The following TCF7L1 variants were observed in gnomAD, a reference collection of about 807,000 sequenced individuals.
TCF7L1 encodes transcription factor 7-like 1.
Under a neutral mutation model 63.7 loss-of-function variants are expected in TCF7L1, and 18 were observed. The ratio of observed to expected loss-of-function variants is 0.28; its 90% confidence interval spans 0.20 to 0.42. The LOEUF (loss-of-function observed/expected upper bound fraction) is 0.42, where lower values mean the gene tolerates loss of function less well. TCF7L1 is among the 10% of genes least tolerant of loss of function. The pLI is 1.00. For missense variants in TCF7L1, 654 were observed against 779.3 expected, an observed-to-expected ratio of 0.84 and a Z score of 1.91; for synonymous variants, 355 against 340.9, an observed-to-expected ratio of 1.04 and a Z score of -0.46.
At chr2:85,201,079 G>A (rs1425635174) in intron 3 of TCF7L1, among the ~76,000 whole-genome samples, 2 of 152,162 alleles carry the variant, frequency 1.3e-5, no homozygotes, top group East Asian at 1.9e-4. Context: ...GTGTGCGCCT[G>A]TAATTCCAGC....
intron 3 of TCF7L1, among the ~76,000 whole-genome samples, chr2:85,281,553 G>A (rs1246867297): frequency 2.6e-5 from 4 of 152,190 alleles, no homozygotes; most frequent in Non-Finnish European, 5.9e-5. Context: ...GTGGGCTCTG[G>A]GTAGGGCAAG....
intron 3 of TCF7L1, among the ~76,000 whole-genome samples, chr2:85,194,254 G>C (rs1199692045): frequency 3.3e-5 from 5 of 152,164 alleles, no homozygotes; most frequent in Admixed American, 6.5e-5. Flanking sequence ...GAATTCAGGA[G>C]TGGTGGCTCA....
chr2:85,146,519 G>A (rs1257588244), intron 3 of TCF7L1, among the ~76,000 whole-genome samples: 5 of 41,414 alleles, frequency 1.2e-4, no homozygotes, highest in African/African-American at 4.6e-4. Context: ...TTTTTTTTTT[G>A]AGATGGAGTT....
At chr2:85,303,688 G>A in intron 5 of TCF7L1, 1 of 448,902 alleles carries the variant, frequency 2.2e-6, no homozygotes, top group Admixed American at 3.9e-5. Flanking sequence ...GCTAGAGAGG[G>A]GGTGCATTAG....
chr2:85,224,906 G>T (rs1019008419), intron 3 of TCF7L1, among the ~76,000 whole-genome samples: 4 of 152,236 alleles, frequency 2.6e-5, no homozygotes, highest in African/African-American at 9.6e-5. Context: ...GGTTTTTATG[G>T]TTTTAGGGCT....
intron 3 of TCF7L1, among the ~76,000 whole-genome samples, chr2:85,157,343 T>A (rs1445907390): frequency 6.6e-6 from 1 of 152,218 alleles, no homozygotes; most frequent in Non-Finnish European, 1.5e-5. Context: ...GTTCTCTGTG[T>A]CCCAGAGGAA....
chr2:85,252,419 A>G (rs1334479505), intron 3 of TCF7L1, among the ~76,000 whole-genome samples: 1 of 152,132 alleles, frequency 6.6e-6, no homozygotes, highest in Admixed American at 6.5e-5. Flanking sequence ...CAGGCAGACA[A>G]TTCCACATGA....
At position 85,133,848 on chromosome 2, in the gene TCF7L1, G is replaced by A. The variant is rs1677519456; in HGVS notation, c.164G>A (p.Ser55Asn). The change falls in exon 1 of 12, where the codon AGC (serine) becomes AAC (asparagine). Residue 55 changes from serine (S) to asparagine (N), a missense_variant. Ser to Asn is a conservative substitution (Grantham distance 46). Around this residue, in one of 3 missense-constraint regions of TCF7L1, gnomAD observed 404 missense variants for 454.8 expected, o/e 0.89. Transcript: ENST00000282111. The surrounding 1 kb of genome is among the most constrained non-coding windows in gnomAD (Gnocchi z 4.4). ...GAGGAGCAGGAGCCGAGCAGCGATA[G>A]CGCCTCGGCGCAGCGGGACCTAGAC... ...GGEEQEPSSDSASAQRDLDEV... is the reference protein window; with the variant it reads ...GGEEQEPSSDNASAQRDLDEV... 5.3e-6 allele frequency: 8 copies of A among 1,508,980 alleles called. No individual in the cohort carries two copies. Among genetic ancestry groups the A allele is most frequent in the African/African-American group, 1.4e-5 (1 of 69,784 alleles). The allele number at this position is 1,508,980 out of a possible 1,614,324, so 93.5% of individuals were successfully genotyped here. A position where few individuals can be genotyped will look rare whatever the true frequency, so the allele number is the denominator to read the frequency against.
chr2:85,138,869 A>T (rs1677656056), intron 3 of TCF7L1, among the ~76,000 whole-genome samples: 1 of 152,226 alleles, frequency 6.6e-6, no homozygotes, highest in Non-Finnish European at 1.5e-5. Flanking sequence ...ATTGGGAAAT[A>T]AAAAAGAGTA....
At chr2:85,250,760 T>G (rs1007017494) in intron 3 of TCF7L1, among the ~76,000 whole-genome samples, 4 of 152,186 alleles carry the variant, frequency 2.6e-5, no homozygotes, top group Non-Finnish European at 4.4e-5. Flanking sequence ...TTAATAAGCC[T>G]GGCTAGCTTT....
At chr2:85,295,582 A>G (rs1426748518) in intron 4 of TCF7L1, among the ~76,000 whole-genome samples, 2 of 152,028 alleles carry the variant, frequency 1.3e-5, no homozygotes, top group Non-Finnish European at 2.9e-5. Context: ...CCAGATTCAC[A>G]CATTTTTCCC....
At chr2:85,192,449 G>A (rs746968186) in intron 3 of TCF7L1, among the ~76,000 whole-genome samples, 3 of 152,036 alleles carry the variant, frequency 2.0e-5, no homozygotes, top group East Asian at 1.9e-4. Flanking sequence ...AGGCAGTGGT[G>A]TGATGTTGGC....
At position 85,134,955 on chromosome 2, in the gene TCF7L1, C is replaced by T. The variant is rs1677557230; in HGVS notation, c.441+505C>T. ...CCACCCCCAGCCCTCGCACCGGGGCCTCAGCTTTTCTGCGGAGCTAGCTCC... is the reference window on the plus strand; with the variant it reads ...CCACCCCCAGCCCTCGCACCGGGGCTTCAGCTTTTCTGCGGAGCTAGCTCC... On this transcript the variant is annotated intron_variant, in intron 3 of 11. Transcript: ENST00000282111. This position sits in a 1 kb window ranked among gnomAD's most constrained non-coding sequence, Gnocchi z 5.0. 6.6e-6 allele frequency among the ~76,000 whole-genome samples: 1 copy of T among 152,302 alleles called. No individual in the cohort carries two copies. The highest frequency in any genetic ancestry group is 1.5e-5 in the Non-Finnish European group (1 of 68,028).
intron 3 of TCF7L1, among the ~76,000 whole-genome samples, chr2:85,253,764 C>T (rs1426211048): frequency 6.6e-6 from 1 of 152,216 alleles, no homozygotes; most frequent in Non-Finnish European, 1.5e-5. Context: ...GCATGCTAAG[C>T]GTTCACTCAG....
At chr2:85,239,646 T>G (rs926658111) in intron 3 of TCF7L1, among the ~76,000 whole-genome samples, 1 of 152,006 alleles carries the variant, frequency 6.6e-6, no homozygotes, top group Non-Finnish European at 1.5e-5. Flanking sequence ...TGTAGCCACA[T>G]TAAAAGAGAA....
intron 3 of TCF7L1, among the ~76,000 whole-genome samples, chr2:85,160,134 T>C (rs1405472440): frequency 1.3e-5 from 2 of 152,204 alleles, no homozygotes; most frequent in African/African-American, 4.8e-5. Flanking sequence ...ATGTACAGAT[T>C]CATGTAACCA....
At position 85,298,919 on chromosome 2, in the gene TCF7L1, C is replaced by T. The variant is rs539162760; in HGVS notation, c.526-3565C>T. ...TTCTAGGAGGCCACTATCTACTTACCGCCTTCCCTCCCGGTTCATTTTCTG... is the reference window on the plus strand; with the variant it reads ...TTCTAGGAGGCCACTATCTACTTACTGCCTTCCCTCCCGGTTCATTTTCTG... On this transcript the variant is annotated intron_variant, in intron 4 of 11. Coordinates refer to ENST00000282111, the MANE Select transcript of TCF7L1 (RefSeq NM_031283.3). 4.6e-5 allele frequency among the ~76,000 whole-genome samples: 7 copies of T among 152,114 alleles called. No homozygotes were observed. In the South Asian group the frequency reaches 8.3e-4, roughly 18 times the overall value.
At chr2:85,212,430 T>C (rs2043228) in intron 3 of TCF7L1, among the ~76,000 whole-genome samples, 80,963 of 152,074 alleles carry the variant, frequency 0.53, 22,189 homozygotes, top group African/African-American at 0.65. Flanking sequence ...TAATTATTAT[T>C]GTGGCTGCTG....
chr2:85,168,800 T>C lies in TCF7L1; in HGVS notation c.441+34350T>C. Among the ~76,000 whole-genome samples, 2 of 152,164 alleles carry C rather than the reference T, an allele frequency of 1.3e-5. 1 individual carries two copies. The highest frequency in any genetic ancestry group is 6.3e-3 in the Middle Eastern group (2 of 316). ...CCACACCCGGCTAATTTTTGTATTT[T>C]AGTAGAGATGGAGTTTCACCATATT... is the stretch of plus-strand genomic sequence containing the variant. On this transcript the variant is annotated intron_variant, in intron 3 of 11. Coordinates refer to ENST00000282111, the MANE Select transcript of TCF7L1 (RefSeq NM_031283.3).
Sources: gnomAD v4.1 joint callset for allele counts (sites outside exome capture counted in the v4.1 genomes callset) on GRCh38, gnomAD v4.1.1 for gene constraint, gnomAD v4.1.1 regional missense constraint, Gnocchi (gnomAD v3.1) non-coding constraint, MANE v1.5 for transcripts, NCBI Gene and HGNC (gene_info 2026-07-23, HGNC 2026-07-21) for gene names.